The following UGT1A7 variants were observed in gnomAD, a reference collection of about 807,000 sequenced individuals.
UGT1A7 encodes the protein UDP-glucuronosyltransferase 1A7.
A neutral mutation model predicts 45.6 loss-of-function variants in UGT1A7; 33 were observed. The observed-to-expected ratio is 0.72, with a 90% CI of 0.55 to 0.97. The LOEUF (loss-of-function observed/expected upper bound fraction) is 0.97, where lower values mean the gene tolerates loss of function less well. Ranked by LOEUF, UGT1A7 falls within the 50% of genes least tolerant of loss-of-function variation. The pLI, the probability that UGT1A7 is intolerant of heterozygous loss-of-function variation, is 0.00. For missense variants in UGT1A7, 684 were observed against 666.2 expected (o/e 1.03, Z -0.29); for synonymous variants, 274 against 250.6 (o/e 1.09, Z -0.88).
chr2:233,743,068 G>A (rs397839835), intron 1 of UGT1A7: 3 of 339,878 alleles, frequency 8.8e-6, no homozygotes, highest in South Asian at 7.2e-5. Flanking sequence ...AAGAACAGGT[G>A]TTGGCATGAA....
chr2:233,719,548 T>C, intron 1 of UGT1A7: 1 of 1,613,762 alleles, frequency 6.2e-7, no homozygotes, highest in Non-Finnish European at 8.5e-7. Flanking sequence ...CAGAGAGAGG[T>C]GTCAGTGGTG....
chr2:233,719,862 G>A (rs1026145959), intron 1 of UGT1A7, among the ~76,000 whole-genome samples: 4 of 152,186 alleles, frequency 2.6e-5, no homozygotes, highest in African/African-American at 9.7e-5. Flanking sequence ...AGTGGTCACT[G>A]AGAGGAAGAA....
intron 1 of UGT1A7, among the ~76,000 whole-genome samples, chr2:233,725,940 AG>A (rs1419674144): frequency 2.0e-5 from 3 of 152,132 alleles, no homozygotes; most frequent in Non-Finnish European, 4.4e-5. Flanking sequence ...CTGATGCAGG[AG>A]GATTGTTTGA....
At chr2:233,762,334 T>A (rs2125997251) in intron 1 of UGT1A7, among the ~76,000 whole-genome samples, 1 of 152,328 alleles carries the variant, frequency 6.6e-6, no homozygotes, top group Middle Eastern at 3.4e-3. Context: ...CCACAATAGC[T>A]CTTTTTAGTT....
intron 1 of UGT1A7, among the ~76,000 whole-genome samples, chr2:233,702,442 T>C (rs2125589927): frequency 6.6e-6 from 1 of 152,304 alleles, no homozygotes; most frequent in Non-Finnish European, 1.5e-5. Context: ...CTAATAAGGA[T>C]AACATTTATT....
At chr2:233,711,416 G>C (rs1339296798) in intron 1 of UGT1A7, among the ~76,000 whole-genome samples, 1 of 152,236 alleles carries the variant, frequency 6.6e-6, no homozygotes, top group Non-Finnish European at 1.5e-5. Flanking sequence ...GGCTCATCAG[G>C]AGGGTGCTTA....
intron 1 of UGT1A7, chr2:233,760,907 T>A: frequency 6.2e-7 from 1 of 1,614,208 alleles, no homozygotes. Context: ...ATGACCTTCC[T>A]GCAGCGGGTG....
chr2:233,742,316 T>C lies in UGT1A7; in HGVS notation c.856-24718T>C, dbSNP rs962081179. On this transcript the variant is annotated intron_variant, in intron 1 of 4. Coordinates refer to ENST00000373426, the MANE Select transcript of UGT1A7 (RefSeq NM_019077.3). ...TTATAGATTAACTAAAAGTATTCCT[T>C]ACGGGAAACAAAGGGATGGGCTCTG... Among the ~76,000 whole-genome samples, 12 of 151,968 alleles carry C rather than the reference T, an allele frequency of 7.9e-5. 1 individual carries two copies. Among genetic ancestry groups the C allele is most frequent in the Admixed American group, 3.3e-4 (5 of 15,280 alleles).
intron 1 of UGT1A7, among the ~76,000 whole-genome samples, chr2:233,745,802 C>T (rs1262659143): frequency 2.0e-5 from 3 of 151,022 alleles, no homozygotes; most frequent in Non-Finnish European, 2.9e-5. Context: ...GGGTCTATCC[C>T]AGAGTTTTGA....
chr2:233,729,976 A>T (rs201645683), intron 1 of UGT1A7: 1 of 1,614,046 alleles, frequency 6.2e-7, no homozygotes, highest in South Asian at 1.1e-5. Context: ...CTGTGCCAAC[A>T]GGAAGCCACT....
Position 233,690,683 on chromosome 2 carries a change from G to A in UGT1A7, c.855+7891G>A. ...CAACCAGGGCAGGCCTGGGTCTCCAGCGGAGCTACTCTTTAGGGATCGTCA... is the reference window on the plus strand; with the variant it reads ...CAACCAGGGCAGGCCTGGGTCTCCAACGGAGCTACTCTTTAGGGATCGTCA... On this transcript the variant is annotated intron_variant, in intron 1 of 4. Coordinates refer to ENST00000373426, the MANE Select transcript of UGT1A7 (RefSeq NM_019077.3). 4.0e-6 allele frequency: 5 copies of A among 1,258,652 alleles called. No individual in the cohort carries two copies. In the South Asian group the frequency reaches 5.4e-5, roughly 14 times the overall value. 78.0% of individuals were successfully genotyped at this position (1,258,652 alleles called of 1,614,324 possible).
chr2:233,720,263 C>A (rs982246715), intron 1 of UGT1A7, among the ~76,000 whole-genome samples: 3 of 152,084 alleles, frequency 2.0e-5, no homozygotes, highest in African/African-American at 7.2e-5. Flanking sequence ...AGAGAGGGAT[C>A]TGTCCTGAGA....
rs147487099 is a variant in UGT1A7, at chr2:233,689,635, G to T, written c.855+6843G>T. Among the ~76,000 whole-genome samples, 661 of 152,290 alleles carry T rather than the reference G, an allele frequency of 4.3e-3. 6 individuals are homozygous for T. Among genetic ancestry groups the T allele is most frequent in the African/African-American group, 0.015 (631 of 41,558 alleles). ...TCGGGGTTAGCAGAAAAGAATGTTT[G>T]CTCTTGCTCATGAGTGTGACTTCCT... On this transcript the variant is annotated intron_variant, in intron 1 of 4. Transcript: ENST00000373426.
chr2:233,754,301 G>C (rs576538259), intron 1 of UGT1A7: 100 of 236,450 alleles, frequency 4.2e-4, no homozygotes, highest in African/African-American at 2.0e-3. Flanking sequence ...CTAGCACTAG[G>C]AAATAATCAT....
At chr2:233,724,373 G>A (rs2077243992) in intron 1 of UGT1A7, among the ~76,000 whole-genome samples, 1 of 147,660 alleles carries the variant, frequency 6.8e-6, no homozygotes, top group African/African-American at 2.5e-5. Flanking sequence ...CGGGGTGGCT[G>A]CCGGGCGGAG....
At chr2:233,743,728 A>G in intron 1 of UGT1A7, 1 of 1,367,282 alleles carries the variant, frequency 7.3e-7, no homozygotes, top group Non-Finnish European at 9.8e-7. Context: ...GGTCATAGAT[A>G]TCGCGTTTCT....
At chr2:233,763,222 T>C (rs1031728424) in intron 1 of UGT1A7, among the ~76,000 whole-genome samples, 2 of 152,230 alleles carry the variant, frequency 1.3e-5, no homozygotes, top group African/African-American at 4.8e-5. Context: ...GGTGTGAAAA[T>C]ATGTTTTTAA....
At chr2:233,716,325 T>G (rs1422472353) in intron 1 of UGT1A7, among the ~76,000 whole-genome samples, 1 of 152,228 alleles carries the variant, frequency 6.6e-6, no homozygotes, top group East Asian at 1.9e-4. Flanking sequence ...ATGGAATATA[T>G]TCCCAGGTTT....
At chr2:233,709,522 C>A (rs575699212) in intron 1 of UGT1A7, among the ~76,000 whole-genome samples, 40 of 152,162 alleles carry the variant, frequency 2.6e-4, no homozygotes, top group African/African-American at 8.9e-4. Context: ...TTTAGGAATT[C>A]TTTTTCCTAC....
Sources: allele counts gnomAD v4.1 joint callset (sites outside exome capture counted in the v4.1 genomes callset), GRCh38; gene constraint gnomAD v4.1.1; transcripts MANE v1.5; gene names NCBI Gene and HGNC (gene_info 2026-07-23, HGNC 2026-07-21).